POLA1: variants seen among roughly 807,000 people sequenced by gnomAD.
The protein encoded by POLA1 is DNA polymerase alpha 1, catalytic subunit, also known as DNA polymerase alpha catalytic subunit.
In POLA1, 15 loss-of-function variants were observed where a neutral mutation model predicts 124.0. That is an observed-to-expected ratio of 0.12 (90% CI 0.08 to 0.19). POLA1 has a LOEUF of 0.19. POLA1 is among the 10% of genes least tolerant of loss of function. The pLI is 1.00. For synonymous variants in POLA1, 408 were observed against 389.4 expected (o/e 1.05, Z -0.56); for missense variants, 886 against 1,103.4 (o/e 0.80, Z 2.79).
chrX:24,976,457 A>T (rs2048364747), intron 36 of POLA1, among the ~76,000 whole-genome samples: 1 of 112,234 alleles, frequency 8.9e-6, no homozygotes, highest in South Asian at 3.7e-4. Flanking sequence ...TTTGGATAAA[A>T]ATTTCCTTTA....
At chrX:24,763,479 C>G (rs1266298334) in intron 26 of POLA1, among the ~76,000 whole-genome samples, 1 of 110,826 alleles carries the variant, frequency 9.0e-6, no homozygotes. Flanking sequence ...ACTGGGGAGT[C>G]ATTGGTTTAT....
chrX:24,768,612 C>T (rs1317397461), intron 26 of POLA1, among the ~76,000 whole-genome samples: 1 of 112,111 alleles, frequency 8.9e-6, no homozygotes, highest in Non-Finnish European at 1.9e-5. Context: ...GGGATAAAAA[C>T]TCCCCTAACT....
chrX:24,831,416 CTT>C (rs1434678613), intron 32 of POLA1, among the ~76,000 whole-genome samples: 4 of 110,971 alleles, frequency 3.6e-5, no homozygotes, highest in African/African-American at 1.3e-4. Flanking sequence ...CTTTTTCTGT[CTT>C]TTTATTTTTT....
intron 34 of POLA1, among the ~76,000 whole-genome samples, chrX:24,879,948 ATGGCT>A (rs1647782354): frequency 8.9e-6 from 1 of 111,769 alleles, no homozygotes; most frequent in South Asian, 3.8e-4. Flanking sequence ...ACGAGAGAAG[ATGGCT>A]TGCATGGGGG....
rs183799846 is a variant in POLA1 at position 24,941,938 on chromosome X, A to G, written c.4261+11389A>G. ...TGTGCTTTTCTTGTTCTAAGAAATT[A>G]TTGTAATTTCAAATAGGGTCAAAAA... On this transcript the variant is annotated intron_variant, in intron 36 of 36. Transcript: ENST00000379068. 7.1e-5 allele frequency among the ~76,000 whole-genome samples: 8 copies of G among 112,193 alleles called. 1 individual carries two copies. In the East Asian group the frequency reaches 1.7e-3, roughly 23 times the overall value.
At chrX:24,853,730 A>G (rs1231777153) in intron 34 of POLA1, among the ~76,000 whole-genome samples, 1 of 111,142 alleles carries the variant, frequency 9.0e-6, no homozygotes. Context: ...TTTTGAGAAG[A>G]TGTCTGCCAG....
At position 24,733,804 on chromosome X, in the gene POLA1, C is replaced by A; in HGVS notation, c.1821C>A (p.Val607=). 8.9e-7 allele frequency: 1 copy of A among 1,123,185 alleles called. No individual in the cohort carries two copies. The highest frequency in any genetic ancestry group is 1.2e-6 in the Non-Finnish European group (1 of 823,366). The allele number at this position is 1,123,185 out of a possible 1,213,427, so 92.6% of individuals were successfully genotyped here. Residue 607 remains valine (V), a synonymous_variant, in exon 17 of 37, where the codon GTC becomes GTA. Transcript: ENST00000379068. ...TTTTTCCATATGCTTTCAAAGAAGT[C>A]ATTGAGAAAAAGGTAAAGTGCTCAT... ...DCIFPYAFKE[V]IEKKNVKVEV... is the part of the protein sequence containing the mutation.
intron 34 of POLA1, among the ~76,000 whole-genome samples, chrX:24,876,686 G>GA (rs1231695594): frequency 9.5e-6 from 1 of 104,961 alleles, no homozygotes; most frequent in Non-Finnish European, 2.0e-5. Context: ...GGGGTCGGGG[G>GA]GGGGGATAGT....
intron 36 of POLA1, 46 bp from the exon 37 acceptor site, chrX:24,995,759 T>C (rs1333446177): frequency 9.0e-7 from 1 of 1,115,582 alleles, no homozygotes; most frequent in Non-Finnish European, 1.2e-6. Flanking sequence ...GAATGTTCTT[T>C]AAAGAAACTA....
At chrX:24,893,946 C>A (rs1046631988) in intron 35 of POLA1, among the ~76,000 whole-genome samples, 2 of 111,255 alleles carry the variant, frequency 1.8e-5, no homozygotes, top group Non-Finnish European at 3.8e-5. Context: ...TAGACTGATC[C>A]CTTTTTCTGT....
At chrX:24,832,400 A>G (rs1350502728) in intron 32 of POLA1, among the ~76,000 whole-genome samples, 1 of 111,893 alleles carries the variant, frequency 8.9e-6, no homozygotes, top group Non-Finnish European at 1.9e-5. Flanking sequence ...TCGCTAGCCC[A>G]CAATAGAGGG....
At chrX:24,760,083 A>G (rs1356530083) in intron 26 of POLA1, among the ~76,000 whole-genome samples, 1 of 112,312 alleles carries the variant, frequency 8.9e-6, no homozygotes, top group African/African-American at 3.2e-5. Flanking sequence ...ATTAACCACT[A>G]TTCACCAGTG....
intron 35 of POLA1, among the ~76,000 whole-genome samples, chrX:24,903,163 C>G (rs1209646377): frequency 8.9e-6 from 1 of 112,773 alleles, no homozygotes; most frequent in Non-Finnish European, 1.9e-5. Context: ...TTCTTGCAGA[C>G]AAAATCATGC....
At chrX:24,790,919 A>ATATATG (rs1555991318) in intron 26 of POLA1, among the ~76,000 whole-genome samples, 23 of 100,227 alleles carry the variant, frequency 2.3e-4, no homozygotes, top group African/African-American at 8.3e-4. Flanking sequence ...ATGTATATAT[A>ATATATG]TATATATATA....
intron 35 of POLA1, among the ~76,000 whole-genome samples, chrX:24,892,188 G>A (rs1344131344): frequency 1.8e-5 from 2 of 110,376 alleles, no homozygotes; most frequent in Admixed American, 9.7e-5. Context: ...TTAGGCTCAT[G>A]GAAATTCCCA....
intron 34 of POLA1, among the ~76,000 whole-genome samples, chrX:24,850,830 C>T (rs940605334): frequency 1.8e-5 from 2 of 111,903 alleles, no homozygotes; most frequent in African/African-American, 6.5e-5. Flanking sequence ...AGAGAGAGCT[C>T]GTTATTAATT....
intron 35 of POLA1, among the ~76,000 whole-genome samples, chrX:24,916,344 C>T (rs1397278979): frequency 9.6e-6 from 1 of 104,663 alleles, no homozygotes; most frequent in Admixed American, 1.0e-4. Flanking sequence ...TGCAGTGGCA[C>T]GATCTTGGCT....
chrX:24,711,014 G>C (rs1244342253), intron 4 of POLA1, among the ~76,000 whole-genome samples: 1 of 110,970 alleles, frequency 9.0e-6, no homozygotes, highest in East Asian at 2.8e-4. Flanking sequence ...ACAGATTCTT[G>C]CTCTGTCGTC....
At chrX:24,920,257 C>T (rs897753250) in intron 35 of POLA1, among the ~76,000 whole-genome samples, 4 of 111,617 alleles carry the variant, frequency 3.6e-5, no homozygotes, top group African/African-American at 6.5e-5. Context: ...ACACATTAGA[C>T]GTTGGGTCCC....
Sources: gnomAD v4.1 joint callset for allele counts (sites outside exome capture counted in the v4.1 genomes callset) on GRCh38, gnomAD v4.1.1 for gene constraint, MANE v1.5 for transcripts, NCBI Gene and HGNC (gene_info 2026-07-23, HGNC 2026-07-21) for gene names.